The following UBA52 variants were observed in gnomAD, a reference collection of about 807,000 sequenced individuals.
UBA52 encodes ubiquitin A-52 residue ribosomal protein fusion product 1.
Under a neutral mutation model 15.3 loss-of-function variants are expected in UBA52, and 1 was observed. The ratio of observed to expected loss-of-function variants is 0.07; its 90% CI spans 0.02 to 0.31. The LOEUF (loss-of-function observed/expected upper bound fraction) is 0.31. UBA52 is among the 10% of genes least tolerant of loss of function. UBA52 has a pLI of 1.00. For missense variants in UBA52, 87 were observed against 168.0 expected, an observed-to-expected ratio of 0.52 and a Z score of 2.66; for synonymous variants, 50 against 58.3, an observed-to-expected ratio of 0.86 and a Z score of 0.65.
Position 18,575,046 on chromosome 19 carries a change from T to A in UBA52, c.294-11T>A. On this transcript the variant is annotated splice_polypyrimidine_tract_variant and intron_variant, in intron 4 of 4. Coordinates refer to ENST00000442744, the MANE Select transcript of UBA52 (RefSeq NM_001033930.3). ...GGTATGCCCTCACCCACCCCTCCTG[T>A]CTCTGTGCAGGTGCTATGCTCGCCT... 6.2e-7 allele frequency: 1 copy of A among 1,614,144 alleles called. No individual in the cohort carries two copies. Among genetic ancestry groups the A allele is most frequent in the Non-Finnish European group, 8.5e-7 (1 of 1,180,008 alleles).
chr19:18,572,549 T>G lies in UBA52; in HGVS notation c.-9+640T>G, dbSNP rs1008004911. 2.6e-5 allele frequency: 4 copies of G among 152,780 alleles called. No individual in the cohort carries two copies. The East Asian group carries it at 7.7e-4, about 29-fold the overall frequency. 9.5% of individuals were successfully genotyped at this position (152,780 alleles called of 1,614,324 possible). On this transcript the variant is annotated intron_variant, in intron 1 of 4. Coordinates refer to ENST00000442744, the MANE Select transcript of UBA52 (RefSeq NM_001033930.3). ...TTCACCATGTTAGCCAGGCTCATCT[T>G]GAACTCTTGACCTCAAATGATCCGT...
upstream of UBA52, chr19:18,571,710 C>T (rs1221892696): frequency 1.3e-5 from 2 of 152,270 alleles, no homozygotes; most frequent in Non-Finnish European, 2.9e-5. Flanking sequence ...GCGACCTTCA[C>T]CCACGTGCGC....
chr19:18,575,290 C>T lies in UBA52; in HGVS notation c.*140C>T, dbSNP rs891153229. ...TCCAGGGAGGTGGCTGAAGAGTGGG[C>T]ATCTCCCTTAGGGACTCTACTCAGC... On this transcript the variant is annotated 3_prime_UTR_variant, in exon 5 of 5. Transcript: ENST00000442744. 11 of 988,486 alleles carry T rather than the reference C, an allele frequency of 1.1e-5. No individual in the cohort carries two copies. The African/African-American group carries it at 1.6e-4, about 15-fold the overall frequency. 61.2% of individuals were successfully genotyped at this position (988,486 alleles called of 1,614,324 possible).
upstream of UBA52, among the ~76,000 whole-genome samples, chr19:18,570,918 C>T (rs1948361269): frequency 6.6e-6 from 1 of 151,266 alleles, no homozygotes; most frequent in Non-Finnish European, 1.5e-5. Context: ...AACTCCCGAC[C>T]TCAGGTGATC....
chr19:18,575,605 A>G lies in UBA52; in HGVS notation c.*455A>G, dbSNP rs1975749081. On this transcript the variant is annotated 3_prime_UTR_variant, in exon 5 of 5. Coordinates refer to ENST00000442744, the MANE Select transcript of UBA52 (RefSeq NM_001033930.3). Reference sequence around the variant, plus strand: ...GTTGATTCTCAAATTTTTTTATTTTATACAAATGGGGTCTCACTATGTTGT... The same window carrying G: ...GTTGATTCTCAAATTTTTTTATTTTGTACAAATGGGGTCTCACTATGTTGT... 3.7e-5 allele frequency: 7 copies of G among 191,030 alleles called. No homozygotes were observed. The South Asian group carries it at 6.7e-4, about 18-fold the overall frequency. The allele number at this position is 191,030 out of a possible 1,614,324, so 11.8% of individuals were successfully genotyped here. A position where few individuals can be genotyped will look rare whatever the true frequency, so the allele number is the denominator to read the frequency against.
chr19:18,573,797 A>C, intron 3 of UBA52, 49 bp downstream of exon 3: 1 of 1,575,592 alleles, frequency 6.3e-7, no homozygotes, highest in Non-Finnish European at 8.7e-7. Flanking sequence ...CCCAGGTCCT[A>C]GGAAAGGAGC....
chr19:18,572,640 CTTTT>C, intron 1 of UBA52: 1 of 297,110 alleles, frequency 3.4e-6, no homozygotes, highest in Non-Finnish European at 5.0e-6. Context: ...GATTCTTTGT[CTTTT>C]TAAGTCAACT....
chr19:18,575,454 T>C lies in UBA52; in HGVS notation c.*304T>C, dbSNP rs1273327735. 2.5e-6 allele frequency: 1 copy of C among 405,424 alleles called. No individual in the cohort carries two copies. The highest frequency in any genetic ancestry group is 4.6e-6 in the Non-Finnish European group (1 of 216,802). 25.1% of individuals were successfully genotyped at this position (405,424 alleles called of 1,614,324 possible). A position where few individuals can be genotyped will look rare whatever the true frequency, so the allele number is the denominator to read the frequency against. ...ACCTCAGTCGTGTAATTGGTGGGACTGAGGATCAGTTTTGTCATTGCTGGG... is the reference window on the plus strand; with the variant it reads ...ACCTCAGTCGTGTAATTGGTGGGACCGAGGATCAGTTTTGTCATTGCTGGG... On this transcript the variant is annotated 3_prime_UTR_variant, in exon 5 of 5. Transcript: ENST00000442744.
rs769607775 is a variant in UBA52, at chr19:18,575,049, CTG to C, written c.294-5_294-4del. 13 of 1,614,110 alleles carry C rather than the reference CTG, an allele frequency of 8.1e-6. No individual in the cohort carries two copies. In the East Asian group the frequency reaches 2.5e-4, roughly 30 times the overall value. ...ATGCCCTCACCCACCCCTCCTGTCT[CTG>C]TGCAGGTGCTATGCTCGCCTTCACC... is the stretch of plus-strand genomic sequence containing the variant. On this transcript the variant is annotated splice_region_variant and splice_polypyrimidine_tract_variant and intron_variant, in intron 4 of 4. Coordinates refer to ENST00000442744, the MANE Select transcript of UBA52 (RefSeq NM_001033930.3).
rs1018994806 is a variant in UBA52, at chr19:18,577,483, T to C, written c.*2333T>C. 3.3e-5 allele frequency: 5 copies of C among 152,148 alleles called. No individual in the cohort carries two copies. Among genetic ancestry groups the C allele is most frequent in the Non-Finnish European group, 7.4e-5 (5 of 68,020 alleles). 9.4% of individuals were successfully genotyped at this position (152,148 alleles called of 1,614,324 possible). On this transcript the variant is annotated 3_prime_UTR_variant, in exon 5 of 5. Transcript: ENST00000442744. ...TCACTCTCCTGGTCCGTGGACTCTT[T>C]TTGAACTGTTAACACTCCCCGCAAA...
At chr19:18,568,698 G>T, upstream of UBA52, 7 of 1,239,456 alleles carry the variant, frequency 5.6e-6, no homozygotes, top group Non-Finnish European at 8.0e-6. Flanking sequence ...GGGTAACCCT[G>T]CCTTGTTCTG....
rs745938454 is a variant in UBA52, at chr19:18,575,269, G to C, written c.*119G>C. On this transcript the variant is annotated 3_prime_UTR_variant, in exon 5 of 5. Coordinates refer to ENST00000442744, the MANE Select transcript of UBA52 (RefSeq NM_001033930.3). ...GGTGTCCTCATGGCTGATCTGTCCA[G>C]GGAGGTGGCTGAAGAGTGGGCATCT... 3 of 1,262,106 alleles carry C rather than the reference G, an allele frequency of 2.4e-6. No individual in the cohort carries two copies. Among genetic ancestry groups the C allele is most frequent in the African/African-American group, 3.0e-5 (2 of 67,112 alleles). 78.2% of individuals were successfully genotyped at this position (1,262,106 alleles called of 1,614,324 possible). A position where few individuals can be genotyped will look rare whatever the true frequency, so the allele number is the denominator to read the frequency against.
intron 1 of UBA52, chr19:18,572,849 T>G: frequency 9.7e-7 from 1 of 1,029,716 alleles, no homozygotes. Context: ...AGGGGATGGC[T>G]TCCCATCCAG....
At chr19:18,565,216 T>C in the UBA52 span, 3 of 1,374,062 alleles carry the variant, frequency 2.2e-6, no homozygotes, top group African/African-American at 1.5e-5. Context: ...GATTGATTAA[T>C]TGATCGAGAC....
At chr19:18,573,927 G>A in intron 3 of UBA52, 179 bp downstream of exon 3, 1 of 601,480 alleles carries the variant, frequency 1.7e-6, no homozygotes, top group Non-Finnish European at 2.9e-6. Context: ...TAGGCGGGTG[G>A]ATCACCTGAG....
chr19:18,573,337 A>G lies in UBA52; in HGVS notation c.37A>G (p.Ile13Val), dbSNP rs778056854. Reference protein sequence around the residue: ...IFVKTLTGKTITLEVEPSDTI... With the variant: ...IFVKTLTGKTVTLEVEPSDTI... ...TGTGAAGACCCTCACTGGCAAAACC[A>G]TCACCCTTGAGGTCGAGCCCAGTGA... The change falls in exon 2 of 5, where the codon ATC becomes GTC. Residue 13 changes from isoleucine (I) to valine (V), a missense_variant. By Grantham distance (29) the Ile-to-Val change is conservative. Coordinates refer to ENST00000442744, the MANE Select transcript of UBA52 (RefSeq NM_001033930.3). The G allele has an allele frequency of 6.2e-7, 1 of 1,614,140 alleles. No individual in the cohort carries two copies. The highest frequency in any genetic ancestry group is 8.5e-7 in the Non-Finnish European group (1 of 1,180,010).
At position 18,573,719 on chromosome 19, in the gene UBA52, G is replaced by T; in HGVS notation, c.161G>T (p.Arg54Leu). 2 of 1,614,126 alleles carry T rather than the reference G, an allele frequency of 1.2e-6. No individual in the cohort carries two copies. Among genetic ancestry groups the T allele is most frequent in the Non-Finnish European group, 1.7e-6 (2 of 1,180,018 alleles). ...GCCGGCAAACAGCTGGAGGATGGCCGCACTCTCTCAGACTACAACATCCAG... is the reference window on the plus strand; with the variant it reads ...GCCGGCAAACAGCTGGAGGATGGCCTCACTCTCTCAGACTACAACATCCAG... ...IFAGKQLEDG[R>L]TLSDYNIQKE... The change falls in exon 3 of 5, where the codon CGC (arginine) becomes CTC (leucine). Residue 54 changes from arginine (R) to leucine (L), a missense_variant. Arg to Leu is a moderately radical substitution (Grantham distance 102). Coordinates refer to ENST00000442744, the MANE Select transcript of UBA52 (RefSeq NM_001033930.3).
At position 18,575,493 on chromosome 19, in the gene UBA52, C is replaced by CT; in HGVS notation, c.*346dup. 5.6e-6 allele frequency: 2 copies of CT among 354,658 alleles called. No individual in the cohort carries two copies. Among genetic ancestry groups the CT allele is most frequent in the Non-Finnish European group, 1.1e-5 (2 of 185,978 alleles). The allele number at this position is 354,658 out of a possible 1,614,324, so 22.0% of individuals were successfully genotyped here. ...GTCATTGCTGGGATCCTGTCAGGCA[C>CT]TTTGAGGTGTCCCTCAGGCCTTGGC... On this transcript the variant is annotated 3_prime_UTR_variant, in exon 5 of 5. Transcript: ENST00000442744.
At chr19:18,569,740 T>C (rs1378730190), upstream of UBA52, among the ~76,000 whole-genome samples, 1 of 151,264 alleles carries the variant, frequency 6.6e-6, no homozygotes, top group Admixed American at 6.6e-5. Flanking sequence ...TACTTAGAAA[T>C]TATGTTGTTA....
Sources: allele counts gnomAD v4.1 joint callset (sites outside exome capture counted in the v4.1 genomes callset), GRCh38; gene constraint gnomAD v4.1.1; transcripts MANE v1.5; gene names NCBI Gene and HGNC (gene_info 2026-07-23, HGNC 2026-07-21).